Variants in LDB2 observed in about 807,000 individuals in gnomAD.
The protein encoded by LDB2 is LIM domain binding 2.
A neutral mutation model predicts 44.3 loss-of-function variants in LDB2; 12 were observed. The observed-to-expected ratio is 0.27, with a 90% CI of 0.17 to 0.44. The LOEUF is 0.44. Ranked by LOEUF, LDB2 falls within the 20% of genes least tolerant of loss-of-function variation. LDB2 has a pLI of 1.00. For synonymous variants in LDB2, 164 were observed against 174.8 expected (o/e 0.94, Z 0.49); for missense variants, 344 against 473.5 (o/e 0.73, Z 2.54).
In LDB2 at chr4:16,854,070, ACATGAGGACTATAG is replaced by A. The variant is rs1347696087; in HGVS notation, c.132+44270_132+44283del. Among the ~76,000 whole-genome samples the A allele has an allele frequency of 2.0e-5, 3 of 152,120 alleles. No individual in the cohort carries two copies. The East Asian group carries it at 5.8e-4, about 29-fold the overall frequency. On this transcript the variant is annotated intron_variant, in intron 1 of 7. Transcript: ENST00000304523. ...ATCAGTCTAGAGATTAAATGTTTGT[ACATGAGGACTATAG>A]GTAATATAACTGTATGGTATAGTTG...
rs181297234 is a variant in LDB2, at chr4:16,680,317, C to A, written c.235+78841G>T. Among the ~76,000 whole-genome samples the A allele has an allele frequency of 1.1e-4, 16 of 151,736 alleles. No homozygotes were observed. In the East Asian group the frequency reaches 1.7e-3, roughly 16 times the overall value. Reference sequence around the variant, plus strand: ...TGGCATGGCAGTGCAAACGAAGACACCTTTCTCCTGACTCAGTGAAATGGA... The same window carrying A: ...TGGCATGGCAGTGCAAACGAAGACAACTTTCTCCTGACTCAGTGAAATGGA... On this transcript the variant is annotated intron_variant, in intron 2 of 7. Coordinates refer to ENST00000304523, the MANE Select transcript of LDB2 (RefSeq NM_001290.5).
chr4:16,546,287 G>A (rs963781625), intron 5 of LDB2, among the ~76,000 whole-genome samples: 6 of 152,302 alleles, frequency 3.9e-5, no homozygotes, highest in South Asian at 2.1e-4. Context: ...AGGTATCTAC[G>A]TTTGAAGGCG....
intron 1 of LDB2, among the ~76,000 whole-genome samples, chr4:16,761,152 G>T (rs147073760): frequency 6.6e-6 from 1 of 152,260 alleles, no homozygotes; most frequent in East Asian, 1.9e-4. Flanking sequence ...GAATGAAGCT[G>T]CTCATATTAT....
At chr4:16,814,932 C>G (rs1256310176) in intron 1 of LDB2, among the ~76,000 whole-genome samples, 1 of 152,148 alleles carries the variant, frequency 6.6e-6, no homozygotes, top group East Asian at 1.9e-4. Flanking sequence ...CATTAGTGCT[C>G]CATTCAAAAG....
chr4:16,658,492 A>T (rs1204558687), intron 2 of LDB2, among the ~76,000 whole-genome samples: 1 of 152,180 alleles, frequency 6.6e-6, no homozygotes, highest in African/African-American at 2.4e-5. Context: ...TGGAGTTTGG[A>T]GGACTCAGGA....
At chr4:16,887,558 T>C (rs1414530830) in intron 1 of LDB2, among the ~76,000 whole-genome samples, 3 of 152,180 alleles carry the variant, frequency 2.0e-5, no homozygotes, top group African/African-American at 7.2e-5. Context: ...GTATTTCCAA[T>C]TGGTCAGTTT....
intron 2 of LDB2, among the ~76,000 whole-genome samples, chr4:16,641,516 T>C (rs139780821): frequency 3.3e-5 from 5 of 152,260 alleles, no homozygotes; most frequent in Non-Finnish European, 4.4e-5. Flanking sequence ...CTTTTACTCA[T>C]GGCAGAAGGT....
chr4:16,667,627 C>G (rs1169822787), intron 2 of LDB2, among the ~76,000 whole-genome samples: 1 of 152,218 alleles, frequency 6.6e-6, no homozygotes, highest in Non-Finnish European at 1.5e-5. Flanking sequence ...CTCAATTTCG[C>G]TCATCTGCAA....
chr4:16,503,074 C>T (rs377404263), intron 7 of LDB2: 31 of 1,538,028 alleles, frequency 2.0e-5, no homozygotes, highest in African/African-American at 4.1e-5. Context: ...GTAACAACCA[C>T]GCGAGTTTAT....
At chr4:16,734,702 TC>T (rs983597666) in intron 2 of LDB2, among the ~76,000 whole-genome samples, 1 of 118,474 alleles carries the variant, frequency 8.4e-6, no homozygotes, top group Non-Finnish European at 1.8e-5. Context: ...CTTCTTGTTT[TC>T]TTTTTTTTTT....
chr4:16,669,384 A>C (rs1338875374), intron 2 of LDB2, among the ~76,000 whole-genome samples: 4 of 152,164 alleles, frequency 2.6e-5, no homozygotes, highest in Non-Finnish European at 2.9e-5. Context: ...AGACAGGTAC[A>C]GCTGCCTCTG....
intron 1 of LDB2, among the ~76,000 whole-genome samples, chr4:16,838,314 C>T (rs1214887166): frequency 6.6e-6 from 1 of 152,188 alleles, no homozygotes; most frequent in Non-Finnish European, 1.5e-5. Flanking sequence ...GAGACTCAAA[C>T]TAATCTGCCT....
chr4:16,755,784 C>T (rs563808345), intron 2 of LDB2, among the ~76,000 whole-genome samples: 1 of 152,284 alleles, frequency 6.6e-6, no homozygotes, highest in East Asian at 1.9e-4. Context: ...CATGGAACTG[C>T]CCACTTCTCC....
chr4:16,723,110 A>G (rs1758665857), intron 2 of LDB2, among the ~76,000 whole-genome samples: 1 of 152,212 alleles, frequency 6.6e-6, no homozygotes, highest in Non-Finnish European at 1.5e-5. Context: ...GCTGCACAGA[A>G]GGTAAGACAC....
At chr4:16,658,584 T>C (rs1740580374) in intron 2 of LDB2, among the ~76,000 whole-genome samples, 1 of 152,150 alleles carries the variant, frequency 6.6e-6, no homozygotes, top group Non-Finnish European at 1.5e-5. Flanking sequence ...GATTTTTATT[T>C]GAAAGCTCCT....
rs75781024 is a variant in LDB2, at chr4:16,540,830, G to C, written c.616-28726C>G. On this transcript the variant is annotated intron_variant, in intron 5 of 7. Coordinates refer to ENST00000304523, the MANE Select transcript of LDB2 (RefSeq NM_001290.5). ...TTCATGTCAGATGATTCTCTGACTT[G>C]GGCTTTCAGTCTTTGACAACTTTTT... Among the ~76,000 whole-genome samples the C allele has an allele frequency of 1.6e-3, 247 of 152,134 alleles. 1 individual carries two copies. Among genetic ancestry groups the C allele is most frequent in the African/African-American group, 5.5e-3 (229 of 41,512 alleles).
At chr4:16,829,633 A>C (rs1326934078) in intron 1 of LDB2, among the ~76,000 whole-genome samples, 1 of 152,200 alleles carries the variant, frequency 6.6e-6, no homozygotes, top group Non-Finnish European at 1.5e-5. Flanking sequence ...AAATTACCGT[A>C]GTAATATACT....
chr4:16,862,354 C>A (rs765093347), intron 1 of LDB2, among the ~76,000 whole-genome samples: 2 of 151,792 alleles, frequency 1.3e-5, no homozygotes, highest in Non-Finnish European at 2.9e-5. Context: ...AGAGCCCTGG[C>A]CGGGCGTGCT....
intron 2 of LDB2, chr4:16,674,050 A>G (rs1182958849): frequency 2.8e-6 from 1 of 361,362 alleles, no homozygotes; most frequent in African/African-American, 2.1e-5. Flanking sequence ...ATATCGCCTT[A>G]GTGTTTACCA....
Sources: allele counts gnomAD v4.1 joint callset (sites outside exome capture counted in the v4.1 genomes callset), GRCh38; gene constraint gnomAD v4.1.1; transcripts MANE v1.5; gene names NCBI Gene and HGNC (gene_info 2026-07-23, HGNC 2026-07-21).